The following MARCHF7 variants were observed in gnomAD, a reference collection of about 807,000 sequenced individuals.
The protein encoded by MARCHF7 is E3 ubiquitin-protein ligase MARCHF7.
MARCHF7 carries 20 observed loss-of-function variants against 76.5 expected under a neutral mutation model. That is an observed-to-expected ratio of 0.26 (90% CI 0.18 to 0.38). The LOEUF (loss-of-function observed/expected upper bound fraction) is 0.38. Ranked by LOEUF, MARCHF7 falls within the 10% of genes least tolerant of loss-of-function variation. The pLI is 1.00. For synonymous variants in MARCHF7, 295 were observed against 293.0 expected, an observed-to-expected ratio of 1.01 and a Z score of -0.07; for missense variants, 797 against 812.9, an observed-to-expected ratio of 0.98 and a Z score of 0.24.
intron 5 of MARCHF7, among the ~76,000 whole-genome samples, chr2:159,744,489 C>T (rs2125567311): frequency 6.6e-6 from 1 of 152,356 alleles, no homozygotes; most frequent in Admixed American, 6.5e-5. Context: ...GCTACCGTCT[C>T]ACTCATACTC....
chr2:159,744,073 C>T (rs1159094222), intron 5 of MARCHF7, among the ~76,000 whole-genome samples: 3 of 143,806 alleles, frequency 2.1e-5, no homozygotes, highest in South Asian at 2.2e-4. Flanking sequence ...CTGCAAGCTC[C>T]GCCTCCCGGG....
chr2:159,753,063 G>A (rs1034560992), intron 8 of MARCHF7, among the ~76,000 whole-genome samples: 1 of 152,176 alleles, frequency 6.6e-6, no homozygotes, highest in Non-Finnish European at 1.5e-5. Context: ...CCTGCTTCTT[G>A]TAGTGATATT....
intron 7 of MARCHF7, among the ~76,000 whole-genome samples, chr2:159,752,183 T>C (rs1233679246): frequency 2.0e-5 from 3 of 152,240 alleles, no homozygotes; most frequent in African/African-American, 7.2e-5. Flanking sequence ...AAAATACTTG[T>C]TACAATTTTT....
At chr2:159,750,007 A>G (rs191745870) in intron 7 of MARCHF7, among the ~76,000 whole-genome samples, 269 of 152,340 alleles carry the variant, frequency 1.8e-3, no homozygotes, top group Admixed American at 4.6e-3. Flanking sequence ...TTGATTCACA[A>G]GATAAAATTT....
chr2:159,714,056 G>A (rs62173021), intron 1 of MARCHF7, among the ~76,000 whole-genome samples: 9,238 of 152,198 alleles, frequency 0.061, 364 homozygotes, highest in Middle Eastern at 0.14. Context: ...CCCAGGTTAT[G>A]TTCTACATGA....
chr2:159,752,717 G>A, intron 8 of MARCHF7, 146 bp downstream of exon 8: 1 of 701,384 alleles, frequency 1.4e-6, no homozygotes, highest in Non-Finnish European at 2.1e-6. Context: ...GCATTAAAGA[G>A]CATTAGTGTT....
At chr2:159,727,992 C>G (rs185109609) in intron 3 of MARCHF7, among the ~76,000 whole-genome samples, 5 of 152,204 alleles carry the variant, frequency 3.3e-5, no homozygotes, top group East Asian at 3.9e-4. Context: ...AAGTTTTATT[C>G]ATTTTATTTG....
chr2:159,718,349 T>G (rs1701266214), intron 3 of MARCHF7, among the ~76,000 whole-genome samples: 1 of 152,172 alleles, frequency 6.6e-6, no homozygotes, highest in South Asian at 2.1e-4. Context: ...TATTAATATA[T>G]TAAATACATA....
At chr2:159,733,278 C>T in intron 4 of MARCHF7, 1 of 771,072 alleles carries the variant, frequency 1.3e-6, no homozygotes, top group South Asian at 6.1e-5. Context: ...CTCACACTCA[C>T]CCAGGTTGGA....
chr2:159,713,414 A>G (rs1324227873), intron 1 of MARCHF7, among the ~76,000 whole-genome samples: 1 of 152,192 alleles, frequency 6.6e-6, no homozygotes, highest in Non-Finnish European at 1.5e-5. Context: ...TATCTGGGTA[A>G]TAAATTCGTC....
chr2:159,746,344 G>C (rs953579083), intron 6 of MARCHF7, among the ~76,000 whole-genome samples: 1 of 152,180 alleles, frequency 6.6e-6, no homozygotes, highest in Admixed American at 6.5e-5. Context: ...AATTACTTTA[G>C]TATAACATGG....
chr2:159,751,859 C>T (rs1705693176), intron 7 of MARCHF7, among the ~76,000 whole-genome samples: 1 of 152,068 alleles, frequency 6.6e-6, no homozygotes, highest in South Asian at 2.1e-4. Context: ...AAATTTTTTT[C>T]TGTAATACAA....
intron 8 of MARCHF7, among the ~76,000 whole-genome samples, chr2:159,754,824 T>TTAGA (rs1706091113): frequency 6.6e-6 from 1 of 152,174 alleles, no homozygotes; most frequent in African/African-American, 2.4e-5. Context: ...ATCTGTTTTC[T>TTAGA]TAGAGGTAAG....
chr2:159,764,549 A>C, intron 10 of MARCHF7, 77 bp from the exon 11 acceptor site: 3 of 1,089,798 alleles, frequency 2.8e-6, no homozygotes, highest in Non-Finnish European at 3.8e-6. Flanking sequence ...AGTAGAAATG[A>C]ATCTCCTATA....
At chr2:159,766,230 C>G (rs1448496372) in intron 11 of MARCHF7, among the ~76,000 whole-genome samples, 1 of 152,048 alleles carries the variant, frequency 6.6e-6, no homozygotes, top group Non-Finnish European at 1.5e-5. Context: ...ACAAGAAGTT[C>G]CTTAATAAGC....
intron 7 of MARCHF7, among the ~76,000 whole-genome samples, chr2:159,751,484 A>G (rs1486880977): frequency 6.6e-6 from 1 of 152,222 alleles, no homozygotes; most frequent in East Asian, 1.9e-4. Context: ...ATCTTTAAAA[A>G]TAATTTATGC....
At chr2:159,752,771 C>G (rs907954529) in intron 8 of MARCHF7, among the ~76,000 whole-genome samples, 200 bp downstream of exon 8, 1 of 152,204 alleles carries the variant, frequency 6.6e-6, no homozygotes, top group Non-Finnish European at 1.5e-5. Context: ...TCATTTCCTA[C>G]CAAACTGTTT....
chr2:159,748,569 G>A lies in MARCHF7; in HGVS notation c.1279G>A (p.Glu427Lys), dbSNP rs1705182894. Reference protein sequence around the residue: ...TSSRSHIFRRESNEVVHLEAQ... With the variant: ...TSSRSHIFRRKSNEVVHLEAQ... Reference sequence around the variant, plus strand: ...ATCTAGATCTCATATTTTTAGAAGAGAATCAAATGAAGTGGTTCACCTTGA... The same window carrying A: ...ATCTAGATCTCATATTTTTAGAAGAAAATCAAATGAAGTGGTTCACCTTGA... Residue 427 changes from glutamate (E) to lysine (K), a missense_variant, in exon 7 of 12, where the codon GAA (glutamate) becomes AAA (lysine). Glu to Lys is a moderately conservative substitution (Grantham distance 56). This residue lies in a region of MARCHF7 where 643 missense variants were observed against 631.5 expected (regional missense o/e 1.02). Transcript: ENST00000409175. 3.1e-6 allele frequency: 5 copies of A among 1,614,212 alleles called. No homozygotes were observed. The highest frequency in any genetic ancestry group is 4.2e-6 in the Non-Finnish European group (5 of 1,180,024).
intron 8 of MARCHF7, among the ~76,000 whole-genome samples, chr2:159,753,545 C>T (rs1705923049): frequency 7.8e-6 from 1 of 128,130 alleles, no homozygotes; most frequent in African/African-American, 2.9e-5. Context: ...AGCGAGACTC[C>T]ATGTCAAAAA....
Sources: allele counts gnomAD v4.1 joint callset (sites outside exome capture counted in the v4.1 genomes callset), GRCh38; gene constraint gnomAD v4.1.1; regional missense constraint gnomAD v4.1.1; transcripts MANE v1.5; gene names NCBI Gene and HGNC (gene_info 2026-07-23, HGNC 2026-07-21).